SLC1A2: variants seen among roughly 807,000 people sequenced by gnomAD.
The protein encoded by SLC1A2 is solute carrier family 1 member 2.
In SLC1A2, 15 loss-of-function variants were observed where a neutral mutation model predicts 48.8. The observed-to-expected ratio is 0.31, with a 90% CI of 0.21 to 0.47. SLC1A2 has a LOEUF of 0.47. Ranked by LOEUF, SLC1A2 falls within the 20% of genes least tolerant of loss-of-function variation. The pLI, the probability that SLC1A2 is intolerant of heterozygous loss-of-function variation, is 0.99. For missense variants in SLC1A2, 502 were observed against 730.5 expected, an observed-to-expected ratio of 0.69 and a Z score of 3.61; for synonymous variants, 279 against 272.6, an observed-to-expected ratio of 1.02 and a Z score of -0.23.
intron 9 of SLC1A2, among the ~76,000 whole-genome samples, chr11:35,273,095 A>G (rs1850330674): frequency 6.6e-6 from 1 of 152,140 alleles, no homozygotes. Flanking sequence ...ATTGCCATTT[A>G]TTTCCATATA....
chr11:35,382,177 T>G (rs143988201), intron 1 of SLC1A2, among the ~76,000 whole-genome samples: 78 of 152,368 alleles, frequency 5.1e-4, no homozygotes, highest in Middle Eastern at 3.4e-3. Context: ...TGGTAACCAC[T>G]CTGCATTGCT....
intron 10 of SLC1A2, chr11:35,264,978 T>A (rs1950456653): frequency 6.6e-6 from 1 of 151,262 alleles, no homozygotes; most frequent in Non-Finnish European, 1.5e-5. Context: ...AGATGGAGTC[T>A]TGTTCTGTCG....
chr11:35,321,761 G>C (rs1263584291), intron 1 of SLC1A2, among the ~76,000 whole-genome samples: 1 of 152,104 alleles, frequency 6.6e-6, no homozygotes, highest in African/African-American at 2.4e-5. Flanking sequence ...TGCCAAATCT[G>C]GTCTGGGAAG....
chr11:35,278,263 GTTTTTTTTTGTTTTTTTT>G (rs1450175961), intron 9 of SLC1A2, among the ~76,000 whole-genome samples: 3 of 103,810 alleles, frequency 2.9e-5, no homozygotes, highest in Non-Finnish European at 3.8e-5. Flanking sequence ...TCTTACTTCT[GTTTTTTTTTGTTTTTTTT>G]TTTTTTTTTT....
In SLC1A2 at chr11:35,260,194, T is replaced by C. The variant is rs1950372096; in HGVS notation, c.*700A>G. ...CAATTATCAAATTTAGAAAGAATAA[T>C]GAAACATACTTTGAAATTTCAACCA... On this transcript the variant is annotated 3_prime_UTR_variant, in exon 11 of 11. Coordinates refer to ENST00000278379, the MANE Select transcript of SLC1A2 (RefSeq NM_004171.4). 6.6e-6 allele frequency: 1 copy of C among 152,224 alleles called. No homozygotes were observed. Among genetic ancestry groups the C allele is most frequent in the Non-Finnish European group, 1.5e-5 (1 of 68,030 alleles). The allele number at this position is 152,224 out of a possible 1,614,324, so 9.4% of individuals were successfully genotyped here.
rs556225505 is a variant in SLC1A2 at position 35,352,529 on chromosome 11, G to A, written c.18-35013C>T. Among the ~76,000 whole-genome samples, 4 of 152,284 alleles carry A rather than the reference G, an allele frequency of 2.6e-5. No homozygotes were observed. The East Asian group carries it at 7.7e-4, about 29-fold the overall frequency. ...ACAGAGAGCATTTTCACCATCCCAA[G>A]GCCAAGCCCATCTTTCTAGAAGCCA... On this transcript the variant is annotated intron_variant, in intron 1 of 10. Coordinates refer to ENST00000278379, the MANE Select transcript of SLC1A2 (RefSeq NM_004171.4).
chr11:35,273,469 A>AAG (rs1460609180), intron 9 of SLC1A2, among the ~76,000 whole-genome samples: 3 of 152,210 alleles, frequency 2.0e-5, no homozygotes, highest in African/African-American at 2.4e-5. Flanking sequence ...GCATGTTGAG[A>AAG]AGATAATAAC....
At chr11:35,292,208 G>C in intron 7 of SLC1A2, 79 bp downstream of exon 7, 1 of 973,040 alleles carries the variant, frequency 1.0e-6, no homozygotes, top group Non-Finnish European at 1.6e-6. Context: ...CTTTGTGATG[G>C]GAGGGTTTTG....
At chr11:35,336,134 G>A (rs1852622081) in intron 1 of SLC1A2, among the ~76,000 whole-genome samples, 1 of 151,294 alleles carries the variant, frequency 6.6e-6, no homozygotes, top group Non-Finnish European at 1.5e-5. Flanking sequence ...CATGGACACA[G>A]GGAGGGGAAC....
intron 1 of SLC1A2, among the ~76,000 whole-genome samples, chr11:35,369,474 T>C (rs553920105): frequency 1.3e-5 from 2 of 152,200 alleles, no homozygotes; most frequent in Admixed American, 6.5e-5. Flanking sequence ...ACAAAATATG[T>C]AAAGAATGAA....
chr11:35,388,708 A>T (rs1329569379), intron 1 of SLC1A2, among the ~76,000 whole-genome samples: 1 of 152,100 alleles, frequency 6.6e-6, no homozygotes, highest in Non-Finnish European at 1.5e-5. Flanking sequence ...ACATGTTTTT[A>T]TTGAAAGATA....
At chr11:35,364,442 T>C (rs1343250283) in intron 1 of SLC1A2, among the ~76,000 whole-genome samples, 1 of 152,258 alleles carries the variant, frequency 6.6e-6, no homozygotes, top group Non-Finnish European at 1.5e-5. Context: ...TAAGAAAAGT[T>C]CATTTACCCA....
In SLC1A2 at chr11:35,301,803, A is replaced by G. The variant is rs183749025; in HGVS notation, c.731-158T>C. On this transcript the variant is annotated intron_variant, in intron 5 of 10. Coordinates refer to ENST00000278379, the MANE Select transcript of SLC1A2 (RefSeq NM_004171.4). Reference sequence around the variant, plus strand: ...AACAAAGCATTATATTTGATACTGAATGTAACTTTCCCCTGGATAATTTTG... The same window carrying G: ...AACAAAGCATTATATTTGATACTGAGTGTAACTTTCCCCTGGATAATTTTG... 1.3e-3 allele frequency among the ~76,000 whole-genome samples: 198 copies of G among 152,348 alleles called. 1 individual carries two copies. The highest frequency in any genetic ancestry group is 4.4e-3 in the African/African-American group (181 of 41,592).
chr11:35,315,320 T>G, intron 2 of SLC1A2, 145 bp from the exon 3 acceptor site: 1 of 568,194 alleles, frequency 1.8e-6, no homozygotes, highest in Non-Finnish European at 3.1e-6. Context: ...CAACATTAGA[T>G]AAGTGAAGCT....
intron 1 of SLC1A2, among the ~76,000 whole-genome samples, chr11:35,381,605 T>A (rs988961180): frequency 5.9e-5 from 9 of 151,920 alleles, no homozygotes; most frequent in Non-Finnish European, 1.2e-4. Flanking sequence ...TGTCAATTTT[T>A]AAAAACATCA....
upstream of SLC1A2, chr11:35,420,397 C>T (rs1405679239): frequency 6.6e-6 from 1 of 152,298 alleles, no homozygotes; most frequent in Admixed American, 6.5e-5. Context: ...CTGCAGGAAC[C>T]TAGGGTCCCA....
At chr11:35,298,065 A>G (rs1404644747) in intron 6 of SLC1A2, 1 of 152,228 alleles carries the variant, frequency 6.6e-6, no homozygotes, top group African/African-American at 2.4e-5. Flanking sequence ...CAGCTCCATA[A>G]CACTGGGCAA....
intron 10 of SLC1A2, among the ~76,000 whole-genome samples, chr11:35,264,566 C>T (rs1466427285): frequency 6.6e-6 from 1 of 152,158 alleles, no homozygotes; most frequent in Non-Finnish European, 1.5e-5. Flanking sequence ...TAGACAGAGC[C>T]CATCAAGCTT....
chr11:35,369,730 C>T (rs2135160710), intron 1 of SLC1A2, among the ~76,000 whole-genome samples: 1 of 152,334 alleles, frequency 6.6e-6, no homozygotes, highest in Non-Finnish European at 1.5e-5. Flanking sequence ...TTGCAAGTGA[C>T]ACAAAGCTGA....
Sources: allele counts gnomAD v4.1 joint callset (sites outside exome capture counted in the v4.1 genomes callset), GRCh38; gene constraint gnomAD v4.1.1; transcripts MANE v1.5; gene names NCBI Gene and HGNC (gene_info 2026-07-23, HGNC 2026-07-21).